Variants in SYNPO2 observed in about 807,000 individuals in gnomAD.
SYNPO2 encodes the protein synaptopodin 2, also known as synaptopodin-2.
In SYNPO2, 56 loss-of-function variants were observed where a neutral mutation model predicts 85.0. That is an observed-to-expected ratio of 0.66 (90% confidence interval 0.53 to 0.82). SYNPO2 has a LOEUF of 0.82. Among genes scored for constraint, SYNPO2 ranks in the 40% least tolerant of loss-of-function variants. The pLI is 0.00. For synonymous variants in SYNPO2, 602 were observed against 591.1 expected (o/e 1.02, Z -0.27); for missense variants, 1,575 against 1,534.2 (o/e 1.03, Z -0.44).
rs548188481 is a variant in SYNPO2, at chr4:118,961,119, G to A, written c.106-62311G>A. ...TTACCGCCCCCCCCCCACCCCTCCA[G>A]GGACACTTGGCAATGTCTTCTGAAG... On this transcript the variant is annotated intron_variant, in intron 1 of 4. Coordinates refer to ENST00000307142, the MANE Select transcript of SYNPO2 (RefSeq NM_133477.3). Among the ~76,000 whole-genome samples the A allele has an allele frequency of 7.6e-5, 7 of 91,968 alleles. No homozygotes were observed. In the East Asian group the frequency reaches 2.1e-3, roughly 27 times the overall value. 60.3% of individuals were successfully genotyped at this position (91,968 alleles called of 152,430 possible).
exon 1 of SYNPO2, chr4:118,850,786 A>G (rs1052187149): frequency 2.5e-6 from 1 of 398,554 alleles, no homozygotes; most frequent in Non-Finnish European, 4.4e-6. Context: ...CGAAGCTCCA[A>G]TCTTGAGGAT....
At chr4:118,861,758 T>C (rs1019147224) in intron 1 of SYNPO2, among the ~76,000 whole-genome samples, 24 of 152,240 alleles carry the variant, frequency 1.6e-4, no homozygotes, top group African/African-American at 5.8e-4. Flanking sequence ...TGTAGTGTAA[T>C]TTGAAGTCAG....
intron 1 of SYNPO2, among the ~76,000 whole-genome samples, chr4:119,022,725 A>ATTGTATTTTATTTTATG (rs1227440898): frequency 1.0e-4 from 2 of 19,054 alleles, no homozygotes; most frequent in African/African-American, 3.0e-4. Flanking sequence ...TTTTATTTTA[A>ATTGTATTTTATTTTATG]TTTTATTTTA....
At chr4:118,871,923 T>C (rs946972436) in intron 1 of SYNPO2, among the ~76,000 whole-genome samples, 6 of 152,110 alleles carry the variant, frequency 3.9e-5, no homozygotes, top group Non-Finnish European at 7.4e-5. Context: ...GAAGGCAGAG[T>C]AGATAGCAAG....
At chr4:119,019,328 T>C (rs1737631645) in intron 1 of SYNPO2, among the ~76,000 whole-genome samples, 1 of 152,132 alleles carries the variant, frequency 6.6e-6, no homozygotes, top group South Asian at 2.1e-4. Context: ...AATTGGGAGA[T>C]ACTGAAAAAG....
chr4:118,960,093 C>T (rs1735025834), intron 1 of SYNPO2, among the ~76,000 whole-genome samples: 1 of 152,174 alleles, frequency 6.6e-6, no homozygotes, highest in Admixed American at 6.5e-5. Context: ...TCAAGGATTG[C>T]TGACAGCCAC....
At chr4:119,046,819 T>C (rs113131265) in intron 4 of SYNPO2, among the ~76,000 whole-genome samples, 33 of 152,330 alleles carry the variant, frequency 2.2e-4, no homozygotes, top group Middle Eastern at 6.8e-3. Flanking sequence ...CCTTCCAATA[T>C]AAGATGCTGG....
At chr4:118,853,350 T>A (rs1270793836) in intron 1 of SYNPO2, among the ~76,000 whole-genome samples, 1 of 152,188 alleles carries the variant, frequency 6.6e-6, no homozygotes, top group Non-Finnish European at 1.5e-5. Context: ...TTATGTTTAT[T>A]CTCTTCATAT....
Position 119,026,619 on chromosome 4 carries a change from G to A in SYNPO2, c.258-8G>A. ...TTTAAGTGTCTGGAATGATTTTTCTGTGTGCAGACCATCCAGTGGAATAAG... is the reference window on the plus strand; with the variant it reads ...TTTAAGTGTCTGGAATGATTTTTCTATGTGCAGACCATCCAGTGGAATAAG... On this transcript the variant is annotated splice_polypyrimidine_tract_variant and splice_region_variant and intron_variant, in intron 2 of 4. Coordinates refer to ENST00000307142, the MANE Select transcript of SYNPO2 (RefSeq NM_133477.3). 6.4e-7 allele frequency: 1 copy of A among 1,573,464 alleles called. No homozygotes were observed. Among genetic ancestry groups the A allele is most frequent in the Non-Finnish European group, 8.6e-7 (1 of 1,162,624 alleles).
At chr4:118,990,902 GC>G (rs1736392533) in intron 1 of SYNPO2, among the ~76,000 whole-genome samples, 1 of 151,726 alleles carries the variant, frequency 6.6e-6, no homozygotes, top group Admixed American at 6.6e-5. Flanking sequence ...GAGCCACCAT[GC>G]CCGGCCTAAG....
intron 1 of SYNPO2, among the ~76,000 whole-genome samples, chr4:118,940,694 G>A (rs1276831190): frequency 6.6e-6 from 1 of 152,158 alleles, no homozygotes; most frequent in African/African-American, 2.4e-5. Flanking sequence ...AAGAAGCAAT[G>A]CTTGGGGCTG....
Position 119,031,921 on chromosome 4 carries a change from T to G in SYNPO2, c.3146T>G (p.Val1049Gly), listed in dbSNP as rs200496800. 4 of 1,614,244 alleles carry G rather than the reference T, an allele frequency of 2.5e-6. No homozygotes were observed. Among genetic ancestry groups the G allele is most frequent in the Non-Finnish European group, 3.4e-6 (4 of 1,180,048 alleles). Residue 1049 changes from valine to glycine, a missense_variant, in exon 4 of 5, where the codon GTG becomes GGG. This residue lies in a region of SYNPO2 where 1,508 missense variants were observed against 1,446.8 expected (regional missense o/e 1.04). Coordinates refer to ENST00000307142, the MANE Select transcript of SYNPO2 (RefSeq NM_133477.3). Reference protein sequence around the residue: ...EASSPVSASPVPVGIPTSPKQ... With the variant: ...EASSPVSASPGPVGIPTSPKQ... Reference sequence around the variant, plus strand: ...TCCTCACCAGTCAGTGCATCCCCAGTGCCTGTGGGCATTCCCACCTCGCCA... The same window carrying G: ...TCCTCACCAGTCAGTGCATCCCCAGGGCCTGTGGGCATTCCCACCTCGCCA...
At chr4:118,956,682 A>G (rs1190597711) in intron 1 of SYNPO2, among the ~76,000 whole-genome samples, 3 of 152,138 alleles carry the variant, frequency 2.0e-5, no homozygotes, top group South Asian at 4.2e-4. Context: ...ATGGTCTCTG[A>G]ACTGTAGAGC....
At chr4:118,882,620 A>C (rs1283959264) in intron 1 of SYNPO2, among the ~76,000 whole-genome samples, 3 of 152,100 alleles carry the variant, frequency 2.0e-5, no homozygotes, top group East Asian at 3.9e-4. Context: ...ACACACACAC[A>C]CCCCACACAC....
At chr4:118,941,084 C>T (rs1009792127) in intron 1 of SYNPO2, among the ~76,000 whole-genome samples, 25 of 152,134 alleles carry the variant, frequency 1.6e-4, no homozygotes, top group Non-Finnish European at 1.5e-5. Context: ...TTGGACATGT[C>T]GACTTTCATG....
chr4:118,907,549 G>C (rs911678233), intron 1 of SYNPO2, among the ~76,000 whole-genome samples: 1 of 152,108 alleles, frequency 6.6e-6, no homozygotes, highest in Non-Finnish European at 1.5e-5. Flanking sequence ...AGAGAAAAAG[G>C]AGTCATTGGT....
chr4:118,876,167 T>A (rs1390677932), intron 1 of SYNPO2, among the ~76,000 whole-genome samples: 1 of 152,188 alleles, frequency 6.6e-6, no homozygotes, highest in African/African-American at 2.4e-5. Flanking sequence ...GAGGCTCAGC[T>A]TCGTCAACGT....
chr4:119,024,484 T>C (rs1737858547), intron 2 of SYNPO2, among the ~76,000 whole-genome samples: 1 of 152,128 alleles, frequency 6.6e-6, no homozygotes, highest in African/African-American at 2.4e-5. Flanking sequence ...AATCATTCAG[T>C]ATGATTCTGT....
At chr4:118,886,667 G>A (rs529988717), upstream of SYNPO2, among the ~76,000 whole-genome samples, 2 of 152,248 alleles carry the variant, frequency 1.3e-5, no homozygotes, top group East Asian at 3.9e-4. Context: ...ATGGACATTT[G>A]GGTTGGTTCC....
Sources: gnomAD v4.1 joint callset for allele counts (sites outside exome capture counted in the v4.1 genomes callset) on GRCh38, gnomAD v4.1.1 for gene constraint, gnomAD v4.1.1 regional missense constraint, MANE v1.5 for transcripts, NCBI Gene and HGNC (gene_info 2026-07-23, HGNC 2026-07-21) for gene names.